NECTIN3: variants seen among roughly 807,000 people sequenced by gnomAD.
NECTIN3 encodes the protein nectin-3.
Under a neutral mutation model 49.4 loss-of-function variants are expected in NECTIN3, and 8 were observed. The ratio of observed to expected loss-of-function variants is 0.16; its 90% CI spans 0.10 to 0.29. NECTIN3 has a LOEUF of 0.29. NECTIN3 is among the 10% of genes least tolerant of loss of function. NECTIN3 has a pLI of 1.00. For synonymous variants in NECTIN3, 277 were observed against 241.1 expected (o/e 1.15, Z -1.38); for missense variants, 581 against 654.6 (o/e 0.89, Z 1.23).
chr3:111,075,052 T>C (rs1244574486), intron 1 of NECTIN3: 1 of 152,088 alleles, frequency 6.6e-6, no homozygotes, highest in Non-Finnish European at 1.5e-5. Flanking sequence ...AGATCTGATA[T>C]GATATGGAAC....
rs375328249 is a variant in NECTIN3, at chr3:111,119,255, A to G, written c.799+303A>G. On this transcript the variant is annotated intron_variant, in intron 3 of 5. Transcript: ENST00000485303. ...AATGTACAATGCTAAAGGGCAAACA[A>G]CTTCTACATTCTAATTAATTGAGCT... is the stretch of plus-strand genomic sequence containing the variant. 2.6e-4 allele frequency among the ~76,000 whole-genome samples: 40 copies of G among 152,282 alleles called. 3 individuals are homozygous for G. The highest frequency in any genetic ancestry group is 3.4e-3 in the Middle Eastern group (1 of 294).
intron 7 of NECTIN3, among the ~76,000 whole-genome samples, chr3:111,155,488 C>T (rs1055046639): frequency 2.0e-5 from 3 of 152,076 alleles, no homozygotes; most frequent in Admixed American, 6.5e-5. Flanking sequence ...TATATAAAAG[C>T]ACGATGTTTA....
chr3:111,131,005 A>G (rs1376816187), intron 5 of NECTIN3, among the ~76,000 whole-genome samples: 1 of 152,112 alleles, frequency 6.6e-6, no homozygotes, highest in Non-Finnish European at 1.5e-5. Context: ...TTTAGGATCC[A>G]AGTGTAGTTT....
At chr3:111,190,997 T>C (rs1050765215), upstream of NECTIN3, among the ~76,000 whole-genome samples, 9 of 152,228 alleles carry the variant, frequency 5.9e-5, no homozygotes, top group African/African-American at 2.2e-4. Context: ...GTAGAATTTC[T>C]ACTCCCAGAG....
chr3:111,085,034 T>A (rs540164708), intron 1 of NECTIN3, among the ~76,000 whole-genome samples: 1 of 152,206 alleles, frequency 6.6e-6, no homozygotes, highest in Non-Finnish European at 1.5e-5. Context: ...TGGCTGTGTC[T>A]CTTTAGTGTT....
intron 7 of NECTIN3, among the ~76,000 whole-genome samples, chr3:111,179,888 C>T (rs902892199): frequency 1.9e-5 from 2 of 105,826 alleles, no homozygotes; most frequent in Non-Finnish European, 3.2e-5. Flanking sequence ...AAGACTCTGT[C>T]TCAAAAAAAA....
intron 1 of NECTIN3, among the ~76,000 whole-genome samples, chr3:111,193,926 AAAAGGCAGTTG>A (rs2035859036): frequency 1.3e-5 from 2 of 152,206 alleles, no homozygotes; most frequent in Admixed American, 6.5e-5. Flanking sequence ...AAACAGCAAC[AAAAGGCAGTTG>A]AAACCTTCAA....
At position 111,186,875 on chromosome 3, in the gene NECTIN3, G is replaced by A. The variant is rs2035728814; in HGVS notation, c.1222-5476G>A. 2.0e-5 allele frequency among the ~76,000 whole-genome samples: 3 copies of A among 152,086 alleles called. No homozygotes were observed. The South Asian group carries it at 6.2e-4, about 31-fold the overall frequency. On this transcript the variant is annotated intron_variant, in intron 7 of 8. Transcript: ENST00000493615. ...AGTAGCCCAAGGCTTTCTAGGAAAAGATACAAGAATAATATATGCTGTGTA... is the reference window on the plus strand; with the variant it reads ...AGTAGCCCAAGGCTTTCTAGGAAAAAATACAAGAATAATATATGCTGTGTA...
intron 1 of NECTIN3, among the ~76,000 whole-genome samples, chr3:111,103,198 T>C (rs1007012551): frequency 1.3e-5 from 2 of 152,194 alleles, no homozygotes; most frequent in Non-Finnish European, 2.9e-5. Flanking sequence ...TGCTGAGATT[T>C]TGATTGGAAT....
At position 111,129,994 on chromosome 3, in the gene NECTIN3, C is replaced by T. The variant is rs182357660; in HGVS notation, c.1070-3641C>T. On this transcript the variant is annotated intron_variant, in intron 5 of 5. Transcript: ENST00000485303. ...TTTTTGAGACAGAGTCTTGCTCTGT[C>T]GCCCAGGCTTGAGTGCAGTGGAGCG... Among the ~76,000 whole-genome samples the T allele has an allele frequency of 1.8e-3, 264 of 145,700 alleles. 2 individuals are homozygous for T. Among genetic ancestry groups the T allele is most frequent in the African/African-American group, 6.2e-3 (243 of 39,170 alleles).
intron 7 of NECTIN3, among the ~76,000 whole-genome samples, chr3:111,160,228 A>G (rs2035182136): frequency 6.6e-6 from 1 of 152,140 alleles, no homozygotes. Flanking sequence ...ACGTATATAT[A>G]TTTCACAGCT....
In NECTIN3 at chr3:111,081,889, C is replaced by A. The variant is rs370825347; in HGVS notation, c.160+9712C>A. On this transcript the variant is annotated intron_variant, in intron 1 of 5. Coordinates refer to ENST00000485303, the MANE Select transcript of NECTIN3 (RefSeq NM_015480.3). ...TGCTGAGGCGATTAGACTGTGGTAG[C>A]CACTGAGGAGCTTTTGAAGGCAGGC... Among the ~76,000 whole-genome samples the A allele has an allele frequency of 1.6e-3, 239 of 152,238 alleles. 1 individual carries two copies. Among genetic ancestry groups the A allele is most frequent in the African/African-American group, 5.6e-3 (234 of 41,520 alleles).
At chr3:111,115,054 T>C (rs1350169605) in intron 2 of NECTIN3, among the ~76,000 whole-genome samples, 1 of 152,152 alleles carries the variant, frequency 6.6e-6, no homozygotes, top group East Asian at 1.9e-4. Flanking sequence ...GGCAGAATTC[T>C]TTGTTGTAGT....
At position 111,152,650 on chromosome 3, in the gene NECTIN3, G is replaced by T. The variant is rs139503451; in HGVS notation, c.1221+5166G>T. Among the ~76,000 whole-genome samples, 5 of 151,934 alleles carry T rather than the reference G, an allele frequency of 3.3e-5. No individual in the cohort carries two copies. The East Asian group carries it at 9.7e-4, about 29-fold the overall frequency. ...TGAATTTTATGTGCATTGCTCCATG[G>T]TATCCAAATCTGTGGCCAAAACAGT... On this transcript the variant is annotated intron_variant, in intron 7 of 8. Coordinates refer to the NECTIN3 transcript ENST00000493615.
chr3:111,074,367 C>A, intron 1 of NECTIN3: 1 of 361,434 alleles, frequency 2.8e-6, no homozygotes, highest in South Asian at 2.1e-5. Flanking sequence ...TGCGTGGAGC[C>A]AGTTTTAGAG....
At position 111,126,441 on chromosome 3, in the gene NECTIN3, C is replaced by G. The variant is rs540083704; in HGVS notation, c.1069+106C>G. On this transcript the variant is annotated intron_variant, in intron 5 of 5. Transcript: ENST00000485303. Reference sequence around the variant, plus strand: ...ATTTGTACTTGTAAAGATACAGATTCCTCAGTGTGAAGTTTTTCCAAATAA... The same window carrying G: ...ATTTGTACTTGTAAAGATACAGATTGCTCAGTGTGAAGTTTTTCCAAATAA... 31 of 968,928 alleles carry G rather than the reference C, an allele frequency of 3.2e-5. No individual in the cohort carries two copies. In the South Asian group the frequency reaches 4.9e-4, roughly 15 times the overall value. The allele number at this position is 968,928 out of a possible 1,614,324, so 60.0% of individuals were successfully genotyped here.
At chr3:111,072,427 A>G (rs1439264815) in intron 1 of NECTIN3, 1 of 1,530,964 alleles carries the variant, frequency 6.5e-7, no homozygotes, top group Non-Finnish European at 8.7e-7. Flanking sequence ...CGGATGGCCG[A>G]GGGTTGGCGA....
rs1361111154 is a variant in NECTIN3 at position 111,137,058 on chromosome 3, G to A, written c.*2843G>A. On this transcript the variant is annotated 3_prime_UTR_variant, in exon 6 of 6. Transcript: ENST00000485303. ...AGGAAAGTTTTATAAGATAACCCAC[G>A]GCTAAATATTTTGCATTAAGGAGCT... 9.2e-6 allele frequency: 9 copies of A among 982,190 alleles called. No homozygotes were observed. Among genetic ancestry groups the A allele is most frequent in the Middle Eastern group, 5.2e-4 (1 of 1,932 alleles). The allele number at this position is 982,190 out of a possible 1,614,324, so 60.8% of individuals were successfully genotyped here.
chr3:111,094,150 A>G (rs1003768295), intron 1 of NECTIN3, among the ~76,000 whole-genome samples: 1 of 151,970 alleles, frequency 6.6e-6, no homozygotes, highest in Non-Finnish European at 1.5e-5. Context: ...TATATTTACT[A>G]TACTTTTATT....
Sources: allele counts gnomAD v4.1 joint callset (sites outside exome capture counted in the v4.1 genomes callset), GRCh38; gene constraint gnomAD v4.1.1; transcripts MANE v1.5; gene names NCBI Gene and HGNC (gene_info 2026-07-23, HGNC 2026-07-21).